Variants in HIBADH observed in about 807,000 individuals in gnomAD.
The protein encoded by HIBADH is 3-hydroxyisobutyrate dehydrogenase, mitochondrial.
In HIBADH, 25 loss-of-function variants were observed where a neutral mutation model predicts 36.1. That is an observed-to-expected ratio of 0.69 (90% CI 0.50 to 0.97). HIBADH has a LOEUF of 0.97. Among genes scored for constraint, HIBADH ranks in the 50% least tolerant of loss-of-function variants. The pLI, the probability that HIBADH is intolerant of heterozygous loss-of-function variation, is 0.00. For synonymous variants in HIBADH, 160 were observed against 149.5 expected, an observed-to-expected ratio of 1.07 and a Z score of -0.51; for missense variants, 421 against 418.0, an observed-to-expected ratio of 1.01 and a Z score of -0.06.
At chr7:27,580,473 G>C (rs557095663) in intron 4 of HIBADH, among the ~76,000 whole-genome samples, 1 of 152,208 alleles carries the variant, frequency 6.6e-6, no homozygotes, top group Non-Finnish European at 1.5e-5. Flanking sequence ...GTTTTCAGGT[G>C]AGGATAGTTA....
intron 5 of HIBADH, chr7:27,541,630 G>C (rs1430856803): frequency 8.5e-6 from 3 of 353,282 alleles, no homozygotes; most frequent in African/African-American, 6.6e-5. Context: ...TCCATGGTAT[G>C]TATCAGGCAA....
rs1477678064 is a variant in HIBADH at position 27,539,669 on chromosome 7, G to A, written c.619-1252C>T. On this transcript the variant is annotated intron_variant, in intron 5 of 7. Transcript: ENST00000265395. ...TGGCAAGTACAGTTGACCCTTGAATGATGAGGGGGTTAGGGGTGCCAACCC... is the reference window on the plus strand; with the variant it reads ...TGGCAAGTACAGTTGACCCTTGAATAATGAGGGGGTTAGGGGTGCCAACCC... 3.3e-5 allele frequency among the ~76,000 whole-genome samples: 5 copies of A among 152,144 alleles called. No individual in the cohort carries two copies. In the South Asian group the frequency reaches 6.2e-4, roughly 19 times the overall value.
intron 4 of HIBADH, among the ~76,000 whole-genome samples, chr7:27,559,972 T>C (rs1476145228): frequency 1.3e-5 from 2 of 152,216 alleles, no homozygotes; most frequent in Admixed American, 6.5e-5. Context: ...TGATATATAA[T>C]AATGCTGTAT....
intron 4 of HIBADH, among the ~76,000 whole-genome samples, chr7:27,616,500 C>T (rs954244232): frequency 6.6e-6 from 1 of 152,092 alleles, no homozygotes; most frequent in African/African-American, 2.4e-5. Context: ...GTTTTTCTGT[C>T]GCCTAGGCTG....
chr7:27,641,687 T>C (rs1240478672), intron 2 of HIBADH, among the ~76,000 whole-genome samples: 2 of 152,244 alleles, frequency 1.3e-5, no homozygotes, highest in Non-Finnish European at 2.9e-5. Flanking sequence ...CCTTTTAAAG[T>C]AGTGCTCTTA....
At chr7:27,605,798 A>C (rs1282751425) in intron 4 of HIBADH, among the ~76,000 whole-genome samples, 1 of 152,054 alleles carries the variant, frequency 6.6e-6, no homozygotes, top group Non-Finnish European at 1.5e-5. Flanking sequence ...CAACTTCAAA[A>C]GTAAAATCGT....
At chr7:27,653,218 T>C (rs983884166) in intron 1 of HIBADH, among the ~76,000 whole-genome samples, 4 of 152,300 alleles carry the variant, frequency 2.6e-5, no homozygotes, top group Non-Finnish European at 5.9e-5. Context: ...TAAAGTGTGG[T>C]AGCCACAGGA....
chr7:27,610,455 C>A (rs965965773), intron 4 of HIBADH, among the ~76,000 whole-genome samples: 1 of 152,158 alleles, frequency 6.6e-6, no homozygotes, highest in Non-Finnish European at 1.5e-5. Flanking sequence ...TAATACTCAA[C>A]ACGATATTGT....
At chr7:27,639,854 G>T (rs546126957) in intron 2 of HIBADH, among the ~76,000 whole-genome samples, 51 of 152,220 alleles carry the variant, frequency 3.4e-4, no homozygotes, top group African/African-American at 1.2e-3. Flanking sequence ...GCATAAACAA[G>T]CTATTAAGTA....
At chr7:27,659,316 C>T (rs752019196) in intron 1 of HIBADH, among the ~76,000 whole-genome samples, 10 of 152,262 alleles carry the variant, frequency 6.6e-5, no homozygotes, top group Middle Eastern at 3.4e-3. Flanking sequence ...ACTTAATTAC[C>T]TTCTAAAATA....
intron 1 of HIBADH, among the ~76,000 whole-genome samples, chr7:27,658,027 T>C (rs1203908269): frequency 6.6e-6 from 1 of 152,150 alleles, no homozygotes; most frequent in African/African-American, 2.4e-5. Flanking sequence ...TTTTGCCTAG[T>C]GGGTTACAAG....
intron 4 of HIBADH, among the ~76,000 whole-genome samples, chr7:27,553,372 C>T (rs1201703886): frequency 1.3e-5 from 2 of 152,218 alleles, no homozygotes; most frequent in Admixed American, 6.5e-5. Context: ...GCAGCTGCTA[C>T]ATTTGCAGAC....
intron 4 of HIBADH, among the ~76,000 whole-genome samples, chr7:27,569,122 G>A (rs1784590752): frequency 6.6e-6 from 1 of 151,896 alleles, no homozygotes; most frequent in African/African-American, 2.4e-5. Flanking sequence ...CAAGCACTCT[G>A]CTTTTGAACA....
intron 4 of HIBADH, among the ~76,000 whole-genome samples, chr7:27,578,286 A>G (rs890496990): frequency 7.2e-5 from 11 of 151,826 alleles, no homozygotes; most frequent in Admixed American, 3.3e-4. Context: ...GGGTTACAGT[A>G]AGATTTCATT....
chr7:27,626,072 C>T (rs1025461349), intron 4 of HIBADH, among the ~76,000 whole-genome samples: 35 of 122,780 alleles, frequency 2.9e-4, no homozygotes, highest in Non-Finnish European at 4.3e-4. Context: ...CACTGCACTC[C>T]AGCCTGGGTG....
chr7:27,649,328 G>A, intron 2 of HIBADH, 145 bp downstream of exon 2: 1 of 550,374 alleles, frequency 1.8e-6, no homozygotes, highest in Non-Finnish European at 3.0e-6. Flanking sequence ...CTGGATGTTG[G>A]ATGAATGATT....
intron 4 of HIBADH, among the ~76,000 whole-genome samples, chr7:27,545,602 T>C (rs1784226623): frequency 1.3e-5 from 2 of 152,318 alleles, no homozygotes; most frequent in East Asian, 1.9e-4. Flanking sequence ...AAGAAATTTA[T>C]TACAATGACA....
At chr7:27,562,944 T>A (rs1784489264) in intron 4 of HIBADH, among the ~76,000 whole-genome samples, 1 of 152,192 alleles carries the variant, frequency 6.6e-6, no homozygotes, top group South Asian at 2.1e-4. Flanking sequence ...TAAAATTAAA[T>A]TTTATGTGTG....
intron 2 of HIBADH, among the ~76,000 whole-genome samples, chr7:27,638,574 AAAAC>A (rs903527368): frequency 2.2e-4 from 34 of 152,154 alleles, no homozygotes; most frequent in African/African-American, 8.0e-4. Flanking sequence ...AACTGCAACA[AAAAC>A]AAAAATTGAC....
Sources: gnomAD v4.1 joint callset for allele counts (sites outside exome capture counted in the v4.1 genomes callset) on GRCh38, gnomAD v4.1.1 for gene constraint, MANE v1.5 for transcripts, NCBI Gene and HGNC (gene_info 2026-07-23, HGNC 2026-07-21) for gene names.